Variants in CHIC1 observed in about 807,000 individuals in gnomAD.
CHIC1 encodes the protein cysteine-rich hydrophobic domain-containing protein 1.
In CHIC1, 7 loss-of-function variants were observed where a neutral mutation model predicts 18.5. The observed-to-expected ratio is 0.38, with a 90% confidence interval of 0.22 to 0.71. The LOEUF is 0.71. Among genes scored for constraint, CHIC1 ranks in the 30% least tolerant of loss-of-function variants. The pLI, the probability that CHIC1 is intolerant of heterozygous loss-of-function variation, is 0.49. For missense variants in CHIC1, 159 were observed against 176.9 expected (o/e 0.90, Z 0.57); for synonymous variants, 77 against 73.5 (o/e 1.05, Z -0.25).
chrX:73,676,395 A>C (rs967019741), intron 3 of CHIC1, among the ~76,000 whole-genome samples: 1 of 111,512 alleles, frequency 9.0e-6, no homozygotes, highest in Non-Finnish European at 1.9e-5. Context: ...TGGTCTTTTC[A>C]CATAGTCCCA....
intron 3 of CHIC1, among the ~76,000 whole-genome samples, chrX:73,647,211 C>T (rs974915280): frequency 8.9e-6 from 1 of 111,992 alleles, no homozygotes; most frequent in Non-Finnish European, 1.9e-5. Context: ...AAATCCATGC[C>T]ACCAGGGACT....
At chrX:73,570,820 G>A (rs898532532) in intron 1 of CHIC1, among the ~76,000 whole-genome samples, 5 of 111,031 alleles carry the variant, frequency 4.5e-5, no homozygotes, top group Non-Finnish European at 9.5e-5. Context: ...GAAGTATAGA[G>A]TCTAAGGGCA....
rs2058125499 is a variant in CHIC1, at chrX:73,687,004, T to G, written c.*5999T>G. The G allele has an allele frequency of 8.9e-6, 1 of 111,769 alleles. No homozygotes were observed. The highest frequency in any genetic ancestry group is 1.9e-5 in the Non-Finnish European group (1 of 53,016). The allele number at this position is 111,769 out of a possible 1,213,427, so 9.2% of individuals were successfully genotyped here. ...TGCCAAAATGAAGGATACCTGCCTCTCCGAAACTTTCACTGCTGCTTCTGT... is the reference window on the plus strand; with the variant it reads ...TGCCAAAATGAAGGATACCTGCCTCGCCGAAACTTTCACTGCTGCTTCTGT... On this transcript the variant is annotated 3_prime_UTR_variant, in exon 6 of 6. Transcript: ENST00000373502.
chrX:73,665,609 C>T (rs760936738), intron 3 of CHIC1, among the ~76,000 whole-genome samples: 10 of 111,315 alleles, frequency 9.0e-5, no homozygotes, highest in Non-Finnish European at 1.5e-4. Context: ...AACTTGCAAA[C>T]CCCAAGCAGG....
intron 3 of CHIC1, among the ~76,000 whole-genome samples, chrX:73,597,632 T>C (rs1300376851): frequency 9.2e-6 from 1 of 108,460 alleles, no homozygotes; most frequent in Non-Finnish European, 1.9e-5. Flanking sequence ...TATATATATA[T>C]ATACGCACTA....
At chrX:73,652,387 G>A (rs1383536076) in intron 3 of CHIC1, among the ~76,000 whole-genome samples, 3 of 112,025 alleles carry the variant, frequency 2.7e-5, no homozygotes, top group Non-Finnish European at 5.6e-5. Context: ...TTGACAAATG[G>A]GATCTAATGA....
intron 3 of CHIC1, among the ~76,000 whole-genome samples, chrX:73,600,392 G>C (rs1422551230): frequency 3.0e-5 from 3 of 99,495 alleles, no homozygotes; most frequent in Admixed American, 2.2e-4. Context: ...TGGTGAGAGA[G>C]GGCATCCCTG....
At chrX:73,568,093 C>G (rs780610810) in intron 1 of CHIC1, among the ~76,000 whole-genome samples, 2 of 111,478 alleles carry the variant, frequency 1.8e-5, no homozygotes, top group Non-Finnish European at 3.8e-5. Context: ...ACTATAGGCC[C>G]TCAACAAATA....
At chrX:73,649,102 C>A (rs776665446) in intron 3 of CHIC1, among the ~76,000 whole-genome samples, 2 of 111,881 alleles carry the variant, frequency 1.8e-5, no homozygotes, top group African/African-American at 6.5e-5. Context: ...ACAAATTAAG[C>A]TTTTAACTGA....
intron 3 of CHIC1, among the ~76,000 whole-genome samples, chrX:73,627,674 G>T (rs764582364): frequency 3.6e-5 from 4 of 111,493 alleles, no homozygotes; most frequent in Non-Finnish European, 7.5e-5. Flanking sequence ...GGTGAAAGCT[G>T]CCCAGCCTTC....
rs1452532611 is a variant in CHIC1, at chrX:73,642,608, G to T, written c.508-36718G>T. Among the ~76,000 whole-genome samples, 6 of 107,048 alleles carry T rather than the reference G, an allele frequency of 5.6e-5. No homozygotes were observed. In the South Asian group the frequency reaches 2.5e-3, roughly 45 times the overall value. 93.0% of individuals were successfully genotyped at this position (107,048 alleles called of 115,157 possible). A position where few individuals can be genotyped will look rare whatever the true frequency, so the allele number is the denominator to read the frequency against. ...AAGTCCTTGCCCATGCCTATGTCCT[G>T]AATGGTAATGCCTAGGTTTTCTTCT... On this transcript the variant is annotated intron_variant, in intron 3 of 5. Transcript: ENST00000373502.
intron 2 of CHIC1, 118 bp from the exon 3 acceptor site, chrX:73,584,299 T>G (rs2057542109): frequency 3.4e-6 from 2 of 587,010 alleles, no homozygotes; most frequent in Non-Finnish European, 5.1e-6. Flanking sequence ...TTATGGGGAA[T>G]ATATCTATTT....
At chrX:73,678,392 G>A (rs1287388825) in intron 3 of CHIC1, among the ~76,000 whole-genome samples, 2 of 112,207 alleles carry the variant, frequency 1.8e-5, no homozygotes, top group Non-Finnish European at 3.8e-5. Flanking sequence ...AAAAAGTGGT[G>A]GCAGCAGGCC....
intron 3 of CHIC1, among the ~76,000 whole-genome samples, chrX:73,671,333 T>A (rs902117405): frequency 1.8e-5 from 2 of 112,226 alleles, no homozygotes; most frequent in African/African-American, 6.5e-5. Flanking sequence ...TGTCTATATC[T>A]CTCCCAAGAC....
At chrX:73,616,979 C>T (rs960479042) in intron 3 of CHIC1, among the ~76,000 whole-genome samples, 7 of 112,422 alleles carry the variant, frequency 6.2e-5, no homozygotes, top group African/African-American at 2.3e-4. Context: ...TGAATTTCTT[C>T]TGAGAAAATG....
chrX:73,584,725 A>G (rs1474522206), intron 3 of CHIC1, among the ~76,000 whole-genome samples, 153 bp downstream of exon 3: 20 of 112,036 alleles, frequency 1.8e-4, no homozygotes, highest in Non-Finnish European at 1.9e-5. Flanking sequence ...ACTTGGGGAC[A>G]GGTACATTGT....
chrX:73,637,143 A>C (rs774838207), intron 3 of CHIC1, among the ~76,000 whole-genome samples: 23 of 111,328 alleles, frequency 2.1e-4, no homozygotes, highest in Non-Finnish European at 4.3e-4. Flanking sequence ...GTTTTGCTGC[A>C]TATGGAATTC....
At chrX:73,652,253 T>C (rs1470985518) in intron 3 of CHIC1, among the ~76,000 whole-genome samples, 1 of 111,559 alleles carries the variant, frequency 9.0e-6, no homozygotes, top group Admixed American at 9.5e-5. Flanking sequence ...GAATAAAGAC[T>C]CAAATGTAAA....
At chrX:73,602,838 T>G (rs1193562200) in intron 3 of CHIC1, among the ~76,000 whole-genome samples, 1 of 108,784 alleles carries the variant, frequency 9.2e-6, no homozygotes, top group Admixed American at 9.7e-5. Context: ...TGTGTGGTGT[T>G]TATTTATAAG....
Sources: allele counts gnomAD v4.1 joint callset (sites outside exome capture counted in the v4.1 genomes callset), GRCh38; gene constraint gnomAD v4.1.1; transcripts MANE v1.5; gene names NCBI Gene and HGNC (gene_info 2026-07-23, HGNC 2026-07-21).